The following RBFOX1 variants were observed in gnomAD, a reference collection of about 807,000 sequenced individuals.
The protein encoded by RBFOX1 is RNA binding protein fox-1 homolog 1.
A neutral mutation model predicts 57.7 loss-of-function variants in RBFOX1; 8 were observed. That is an observed-to-expected ratio of 0.14 (90% CI 0.08 to 0.25). The LOEUF is 0.25. RBFOX1 is among the 10% of genes least tolerant of loss of function. RBFOX1 has a pLI of 1.00. For synonymous variants in RBFOX1, 326 were observed against 222.4 expected (o/e 1.47, Z -4.15); for missense variants, 611 against 548.5 (o/e 1.11, Z -1.14).
rs555576705 is a variant in RBFOX1 at position 5,496,646 on chromosome 16, C to T, written c.258+29392C>T. 2.2e-4 allele frequency among the ~76,000 whole-genome samples: 34 copies of T among 152,174 alleles called. No individual in the cohort carries two copies. The South Asian group carries it at 5.0e-3, about 22-fold the overall frequency. ...TCATAGCAAGCAAACGCCCAATAAA[C>T]GAGGGAGAGTGAGGAGGAGACGTGT... On this transcript the variant is annotated intron_variant, in intron 2 of 2. Transcript: ENST00000585867.
At chr16:7,082,561 C>CA (rs781683633) in intron 4 of RBFOX1, among the ~76,000 whole-genome samples, 1,381 of 124,870 alleles carry the variant, frequency 0.011, 16 homozygotes, top group East Asian at 0.029. Context: ...GACCATGTCT[C>CA]AAAAAAAAAA....
chr16:7,361,033 C>T (rs763122568), intron 4 of RBFOX1, among the ~76,000 whole-genome samples: 16 of 152,198 alleles, frequency 1.1e-4, no homozygotes, highest in Non-Finnish European at 2.9e-5. Flanking sequence ...AACCAGGAAG[C>T]TGGCTTTGTG....
At chr16:6,862,500 C>T (rs1044180734) in intron 3 of RBFOX1, among the ~76,000 whole-genome samples, 1 of 152,234 alleles carries the variant, frequency 6.6e-6, no homozygotes, top group African/African-American at 2.4e-5. Context: ...GCAAACAGCT[C>T]TGCCTTGCCC....
intron 1 of RBFOX1, among the ~76,000 whole-genome samples, chr16:5,428,357 G>C (rs971423204): frequency 6.6e-6 from 1 of 152,184 alleles, no homozygotes; most frequent in African/African-American, 2.4e-5. Context: ...TTGGGTAAAT[G>C]AAAGATTTTT....
intron 1 of RBFOX1, among the ~76,000 whole-genome samples, chr16:6,268,736 C>T (rs1285570304): frequency 6.6e-6 from 1 of 152,102 alleles, no homozygotes; most frequent in Non-Finnish European, 1.5e-5. Flanking sequence ...CGAAGAAACA[C>T]ACAACACACA....
intron 4 of RBFOX1, among the ~76,000 whole-genome samples, chr16:7,462,930 G>A (rs952595194): frequency 1.3e-4 from 20 of 152,206 alleles, no homozygotes; most frequent in African/African-American, 4.8e-4. Context: ...GCCCACCCAG[G>A]TAGTTCAGCT....
At chr16:5,330,291 A>G (rs952469674) in intron 1 of RBFOX1, among the ~76,000 whole-genome samples, 1 of 152,242 alleles carries the variant, frequency 6.6e-6, no homozygotes, top group African/African-American at 2.4e-5. Flanking sequence ...TTTAACTGCT[A>G]TGCTAAGCTC....
At chr16:6,535,287 A>G (rs1253674671) in intron 2 of RBFOX1, among the ~76,000 whole-genome samples, 1 of 152,182 alleles carries the variant, frequency 6.6e-6, no homozygotes, top group Admixed American at 6.5e-5. Flanking sequence ...TGATGGAGAA[A>G]TTGAGGGATC....
intron 5 of RBFOX1, among the ~76,000 whole-genome samples, chr16:7,521,586 A>C (rs988863572): frequency 1.3e-5 from 2 of 152,170 alleles, no homozygotes; most frequent in Non-Finnish European, 2.9e-5. Context: ...CAGCAAGATA[A>C]TCTGATGTGC....
intron 4 of RBFOX1, among the ~76,000 whole-genome samples, chr16:7,096,768 G>C (rs925634816): frequency 2.0e-5 from 3 of 151,738 alleles, no homozygotes; most frequent in African/African-American, 7.2e-5. Context: ...TCTATCTCTA[G>C]TAAAAATACA....
At chr16:6,531,500 G>A (rs920870771) in intron 2 of RBFOX1, among the ~76,000 whole-genome samples, 2 of 152,140 alleles carry the variant, frequency 1.3e-5, no homozygotes, top group South Asian at 2.1e-4. Flanking sequence ...GTGGGAAAAT[G>A]GTGAAATATT....
chr16:6,548,401 T>C (rs112113609), intron 2 of RBFOX1, among the ~76,000 whole-genome samples: 2,780 of 152,222 alleles, frequency 0.018, 87 homozygotes, highest in African/African-American at 0.062. Flanking sequence ...AGTGTCTCTT[T>C]GGGCTTTTTA....
chr16:7,276,451 C>T (rs924907118), intron 4 of RBFOX1, among the ~76,000 whole-genome samples: 3 of 152,144 alleles, frequency 2.0e-5, no homozygotes, highest in Non-Finnish European at 4.4e-5. Context: ...TACAAAATAC[C>T]ATTAGTTTTT....
Position 5,868,092 on chromosome 16 carries a change from C to T in RBFOX1, c.351+757C>T, listed in dbSNP as rs548581681. ...GACAACATAGGTAAAGAATAAAAAA[C>T]GAAGCTGTTCAGAAGTCACCAGCAA... On this transcript the variant is annotated intron_variant, in intron 4 of 19. Transcript: ENST00000641259. Among the ~76,000 whole-genome samples the T allele has an allele frequency of 2.6e-4, 39 of 152,260 alleles. 1 individual carries two copies. In the East Asian group the frequency reaches 6.9e-3, roughly 27 times the overall value.
intron 2 of RBFOX1, among the ~76,000 whole-genome samples, chr16:5,538,942 A>G (rs1218817979): frequency 6.4e-5 from 5 of 78,062 alleles, no homozygotes; most frequent in Admixed American, 6.0e-4. Flanking sequence ...AACTGCTGGG[A>G]GAGGGTTCAG....
chr16:6,033,714 T>G (rs781099340), intron 1 of RBFOX1, among the ~76,000 whole-genome samples: 1 of 152,254 alleles, frequency 6.6e-6, no homozygotes, highest in African/African-American at 2.4e-5. Flanking sequence ...ATTTATGTTG[T>G]TTCCATTTTT....
At chr16:7,491,262 C>G (rs1457610990) in intron 4 of RBFOX1, among the ~76,000 whole-genome samples, 1 of 151,966 alleles carries the variant, frequency 6.6e-6, no homozygotes, top group African/African-American at 2.4e-5. Flanking sequence ...CACTCCTTAT[C>G]TGCGACTTTG....
intron 1 of RBFOX1, among the ~76,000 whole-genome samples, chr16:6,127,940 C>T (rs1034479379): frequency 6.6e-6 from 1 of 152,054 alleles, no homozygotes; most frequent in East Asian, 1.9e-4. Context: ...GATTAATATT[C>T]TTGGGGGTGC....
chr16:6,449,183 A>G (rs1040967137), intron 2 of RBFOX1, among the ~76,000 whole-genome samples: 1 of 152,206 alleles, frequency 6.6e-6, no homozygotes, highest in African/African-American at 2.4e-5. Flanking sequence ...GAACAGGTCA[A>G]GTGCTGCACA....
Sources: gnomAD v4.1 joint callset for allele counts (sites outside exome capture counted in the v4.1 genomes callset) on GRCh38, gnomAD v4.1.1 for gene constraint, MANE v1.5 for transcripts, NCBI Gene and HGNC (gene_info 2026-07-23, HGNC 2026-07-21) for gene names.